The following TEX11 variants were observed in gnomAD, a reference collection of about 807,000 sequenced individuals.
TEX11 encodes testis-expressed protein 11.
TEX11 carries 7 observed loss-of-function variants against 84.4 expected under a neutral mutation model. The observed-to-expected ratio is 0.08, with a 90% CI of 0.05 to 0.16. The LOEUF is 0.16. Among genes scored for constraint, TEX11 ranks in the 10% least tolerant of loss-of-function variants. TEX11 has a pLI of 1.00. For missense variants in TEX11, 551 were observed against 660.5 expected, an observed-to-expected ratio of 0.83 and a Z score of 1.82; for synonymous variants, 264 against 222.8, an observed-to-expected ratio of 1.18 and a Z score of -1.64.
At position 70,738,970 on chromosome X, in the gene TEX11, G is replaced by A. The variant is rs995660125; in HGVS notation, c.843+1731C>T. Among the ~76,000 whole-genome samples the A allele has an allele frequency of 2.7e-5, 3 of 110,605 alleles. No individual in the cohort carries two copies. The South Asian group carries it at 1.2e-3, about 43-fold the overall frequency. On this transcript the variant is annotated intron_variant, in intron 11 of 29. Transcript: ENST00000374333. ...TGTTAGGGGGTGGGAGGCACGGGGA[G>A]GGAGAGGATTAGGACAAATACCTAA...
At chrX:70,725,416 G>T in intron 11 of TEX11, 73 bp from the exon 12 acceptor site, 1 of 708,436 alleles carries the variant, frequency 1.4e-6, no homozygotes, top group Non-Finnish European at 2.1e-6. Context: ...GTAATTGCCT[G>T]CTTTATTCAA....
intron 9 of TEX11, among the ~76,000 whole-genome samples, chrX:70,790,068 G>C: frequency 8.9e-6 from 1 of 111,998 alleles, no homozygotes; most frequent in South Asian, 3.8e-4. Flanking sequence ...ATTGTACCTG[G>C]AATCTAAAAC....
intron 13 of TEX11, among the ~76,000 whole-genome samples, chrX:70,704,146 C>A (rs2147687228): frequency 9.2e-6 from 1 of 108,657 alleles, no homozygotes; most frequent in South Asian, 4.1e-4. Flanking sequence ...TCCTGTTCTG[C>A]CATGTAAGAT....
intron 16 of TEX11, among the ~76,000 whole-genome samples, chrX:70,658,110 G>T (rs1366981588): frequency 9.0e-6 from 1 of 111,062 alleles, no homozygotes; most frequent in African/African-American, 3.3e-5. Flanking sequence ...AGATATGAAA[G>T]ATCAACCTAA....
intron 25 of TEX11, among the ~76,000 whole-genome samples, chrX:70,583,533 T>A (rs888112409): frequency 8.9e-5 from 10 of 112,385 alleles, no homozygotes; most frequent in Non-Finnish European, 1.9e-4. Flanking sequence ...GTAGGTTGAC[T>A]CCATATCATT....
In TEX11 at chrX:70,740,725, G is replaced by C. The variant is rs2147744883; in HGVS notation, c.819C>G (p.Leu273=). The C allele has an allele frequency of 8.4e-7, 1 of 1,196,864 alleles. No individual in the cohort carries two copies. Among genetic ancestry groups the C allele is most frequent in the East Asian group, 3.0e-5 (1 of 33,508 alleles). The change falls in exon 11 of 30, where the codon CTC becomes CTG. Residue 273 remains leucine (L), a synonymous_variant. Coordinates refer to ENST00000374333, the MANE Select transcript of TEX11 (RefSeq NM_031276.3). ...WDDTKYYDKA[L]NAVNLANKEH... ...CCTTGTTTGCTAGGTTTACAGCATT[G>C]AGAGCCTTATCATAATATTTGGTGT...
At chrX:70,819,587 C>A (rs2091307955) in intron 8 of TEX11, among the ~76,000 whole-genome samples, 3 of 109,982 alleles carry the variant, frequency 2.7e-5, no homozygotes, top group Non-Finnish European at 3.8e-5. Flanking sequence ...CCAGCAACAG[C>A]AATTAGGAAA....
rs749755001 is a variant in TEX11 at position 70,740,803 on chromosome X, G to GA, written c.748-8dup. The GA allele has an allele frequency of 0.032, 24,587 of 773,166 alleles. No homozygotes were observed. The highest frequency in any genetic ancestry group is 0.034 in the Non-Finnish European group (19,520 of 581,557). 63.7% of individuals were successfully genotyped at this position (773,166 alleles called of 1,213,427 possible). ...ATAGCCGTAGAACTTTAGCCTGTAAGAAAAAAAAAAAGAAAAAAAGCACAT... is the reference window on the plus strand; with the variant it reads ...ATAGCCGTAGAACTTTAGCCTGTAAGAAAAAAAAAAAAGAAAAAAAGCACAT... On this transcript the variant is annotated splice_region_variant and splice_polypyrimidine_tract_variant and intron_variant, in intron 10 of 29. Transcript: ENST00000374333.
At chrX:70,673,934 G>A (rs1415929892) in intron 15 of TEX11, among the ~76,000 whole-genome samples, 2 of 111,571 alleles carry the variant, frequency 1.8e-5, no homozygotes, top group Non-Finnish European at 3.8e-5. Flanking sequence ...GGGTACAGGT[G>A]AAGGTTTGTT....
chrX:70,906,875 T>C (rs1017633697), intron 2 of TEX11, among the ~76,000 whole-genome samples: 2 of 112,277 alleles, frequency 1.8e-5, no homozygotes, highest in Non-Finnish European at 3.8e-5. Flanking sequence ...TGTAGCCACA[T>C]TTCTTACCAC....
chrX:70,701,103 C>T (rs1417127258), intron 13 of TEX11, among the ~76,000 whole-genome samples: 3 of 112,049 alleles, frequency 2.7e-5, no homozygotes, highest in Non-Finnish European at 5.6e-5. Flanking sequence ...GAAGAAGCTG[C>T]GGCAAGTTAT....
chrX:70,806,542 G>A (rs1361608194), intron 9 of TEX11, among the ~76,000 whole-genome samples, 163 bp downstream of exon 9: 2 of 111,737 alleles, frequency 1.8e-5, no homozygotes, highest in Non-Finnish European at 3.8e-5. Flanking sequence ...AACTGACAAT[G>A]TGTAAGAATA....
intron 8 of TEX11, among the ~76,000 whole-genome samples, chrX:70,814,938 A>C (rs760072175): frequency 2.7e-5 from 3 of 112,699 alleles, no homozygotes; most frequent in African/African-American, 9.6e-5. Context: ...CTGCTCCCAG[A>C]GAATTTTATT....
chrX:70,817,452 G>A (rs1478290831), intron 8 of TEX11, among the ~76,000 whole-genome samples: 1 of 112,091 alleles, frequency 8.9e-6, no homozygotes, highest in African/African-American at 3.2e-5. Flanking sequence ...AAGCACACAC[G>A]TGCCTGTAGT....
At chrX:70,518,844 T>A in the TEX11 span, among the ~76,000 whole-genome samples, 1 of 112,384 alleles carries the variant, frequency 8.9e-6, no homozygotes. Context: ...CTCTTCTTGT[T>A]GAATTGATCC....
At chrX:70,681,974 A>T (rs2090151521) in intron 14 of TEX11, among the ~76,000 whole-genome samples, 1 of 111,974 alleles carries the variant, frequency 8.9e-6, no homozygotes, top group Non-Finnish European at 1.9e-5. Flanking sequence ...GCAACACGTC[A>T]CCTAAAATGC....
intron 16 of TEX11, among the ~76,000 whole-genome samples, chrX:70,665,398 A>G (rs1344253344): frequency 8.9e-6 from 1 of 111,764 alleles, no homozygotes; most frequent in Non-Finnish European, 1.9e-5. Flanking sequence ...ATTCAAACCT[A>G]TGACTTGCAC....
intron 8 of TEX11, among the ~76,000 whole-genome samples, chrX:70,807,033 A>G (rs2091223476): frequency 8.9e-6 from 1 of 112,699 alleles, no homozygotes; most frequent in South Asian, 3.6e-4. Flanking sequence ...TTCAGGTTGG[A>G]GAATTAGTTA....
intron 16 of TEX11, among the ~76,000 whole-genome samples, chrX:70,657,662 C>A (rs1324108312): frequency 3.6e-5 from 4 of 109,910 alleles, no homozygotes; most frequent in Non-Finnish European, 7.6e-5. Context: ...ATAGCAAAGA[C>A]TTGGAACAAA....
Sources: allele counts gnomAD v4.1 joint callset (sites outside exome capture counted in the v4.1 genomes callset), GRCh38; gene constraint gnomAD v4.1.1; transcripts MANE v1.5; gene names NCBI Gene and HGNC (gene_info 2026-07-23, HGNC 2026-07-21).